The following MAPK4 variants were observed in gnomAD, a reference collection of about 807,000 sequenced individuals.
MAPK4 encodes Erk3-related.
MAPK4 carries 22 observed loss-of-function variants against 47.7 expected under a neutral mutation model. That is an observed-to-expected ratio of 0.46 (90% CI 0.33 to 0.66). The LOEUF (loss-of-function observed/expected upper bound fraction) is 0.66. MAPK4 is among the 30% of genes least tolerant of loss of function. MAPK4 has a pLI of 0.02. For synonymous variants in MAPK4, 390 were observed against 365.7 expected (o/e 1.07, Z -0.76); for missense variants, 736 against 831.7 (o/e 0.88, Z 1.42).
At chr18:50,567,110 C>A (rs1270724630) in intron 1 of MAPK4, among the ~76,000 whole-genome samples, 1 of 145,560 alleles carries the variant, frequency 6.9e-6, no homozygotes, top group Non-Finnish European at 1.5e-5. Flanking sequence ...TTTTTTTTTA[C>A]TTTAAGTTCT....
At chr18:50,721,500 T>C (rs1266381656) in intron 3 of MAPK4, among the ~76,000 whole-genome samples, 1 of 152,190 alleles carries the variant, frequency 6.6e-6, no homozygotes, top group Admixed American at 6.5e-5. Flanking sequence ...GTTTCCTAGA[T>C]GGAACCCTCT....
chr18:50,580,922 C>G (rs910568952), intron 1 of MAPK4, among the ~76,000 whole-genome samples: 10 of 152,184 alleles, frequency 6.6e-5, no homozygotes, highest in Non-Finnish European at 1.2e-4. Context: ...GCCTGAATTT[C>G]CCTTGGAAAC....
intron 1 of MAPK4, among the ~76,000 whole-genome samples, chr18:50,605,279 T>C (rs932904017): frequency 4.6e-5 from 7 of 152,174 alleles, no homozygotes; most frequent in African/African-American, 1.7e-4. Flanking sequence ...GGAAACATCT[T>C]TTCCCTGGGA....
At chr18:50,628,764 C>A (rs1380092198) in intron 1 of MAPK4, among the ~76,000 whole-genome samples, 1 of 120,080 alleles carries the variant, frequency 8.3e-6, no homozygotes, top group East Asian at 2.2e-4. Context: ...TGCTGCATCA[C>A]TCAATGGTGC....
intron 1 of MAPK4, among the ~76,000 whole-genome samples, chr18:50,602,843 C>T (rs1397832816): frequency 6.6e-6 from 1 of 152,116 alleles, no homozygotes; most frequent in African/African-American, 2.4e-5. Flanking sequence ...GCCTGAGGGT[C>T]TCAAGGACCC....
chr18:50,600,243 A>C (rs1487515268), intron 1 of MAPK4, among the ~76,000 whole-genome samples: 5 of 152,164 alleles, frequency 3.3e-5, no homozygotes, highest in African/African-American at 1.2e-4. Flanking sequence ...TTGGTTGTTT[A>C]TCCAACATTG....
At chr18:50,572,416 G>A (rs1271122867) in intron 1 of MAPK4, among the ~76,000 whole-genome samples, 2 of 152,166 alleles carry the variant, frequency 1.3e-5, no homozygotes, top group South Asian at 4.1e-4. Flanking sequence ...AGTTTGTTGG[G>A]TCTCTGCATG....
intron 5 of MAPK4, among the ~76,000 whole-genome samples, chr18:50,726,737 A>AT (rs1044931697): frequency 5.4e-5 from 8 of 148,536 alleles, no homozygotes; most frequent in South Asian, 2.1e-4. Flanking sequence ...ATCTCTACAA[A>AT]TTTTTTTTTT....
At chr18:50,638,015 TG>T (rs2042902888) in intron 1 of MAPK4, among the ~76,000 whole-genome samples, 1 of 152,192 alleles carries the variant, frequency 6.6e-6, no homozygotes, top group South Asian at 2.1e-4. Context: ...GTCTAACAAG[TG>T]GGTTTTGTGC....
At chr18:50,728,520 G>A (rs1055162356) in intron 5 of MAPK4, among the ~76,000 whole-genome samples, 34 of 152,286 alleles carry the variant, frequency 2.2e-4, no homozygotes, top group African/African-American at 7.5e-4. Context: ...TTCAAAACAT[G>A]CTTAATCAGG....
rs751209391 is a variant in MAPK4, at chr18:50,663,931, TG to T, written c.-25del. ...CTTTCCTGACTGCCCCTGTGTTACC[TG>T]GGCAGCTCCAGATCACTGAGCCCAC... On this transcript the variant is annotated 5_prime_UTR_variant, in exon 2 of 6. It removes the in-frame stop codon of an upstream open reading frame in the 5' UTR. Transcript: ENST00000400384. 4.4e-6 allele frequency: 7 copies of T among 1,583,752 alleles called. No homozygotes were observed. The highest frequency in any genetic ancestry group is 6.0e-6 in the Non-Finnish European group (7 of 1,161,748).
rs149775085 is a variant in MAPK4 at position 50,714,932 on chromosome 18, A to G, written c.547-147A>G. 6.3e-4 allele frequency: 486 copies of G among 765,462 alleles called. 4 individuals carry two copies. The African/African-American group carries it at 7.2e-3, about 11-fold the overall frequency. The allele number at this position is 765,462 out of a possible 1,614,324, so 47.4% of individuals were successfully genotyped here. ...CCTCTAACCAGACGTCTGTTCACTC[A>G]TGCTCCTTCAAGATCAATGGGAAAG... is the stretch of plus-strand genomic sequence containing the variant. On this transcript the variant is annotated intron_variant, in intron 2 of 5. Transcript: ENST00000400384.
At chr18:50,671,582 G>A (rs1327919587) in intron 2 of MAPK4, among the ~76,000 whole-genome samples, 2 of 152,076 alleles carry the variant, frequency 1.3e-5, no homozygotes, top group East Asian at 1.9e-4. Flanking sequence ...TCTGGTCAGC[G>A]GGGTTTACAT....
chr18:50,640,127 G>C (rs2144178371), intron 1 of MAPK4, among the ~76,000 whole-genome samples: 1 of 152,260 alleles, frequency 6.6e-6, no homozygotes, highest in East Asian at 1.9e-4. Flanking sequence ...TCTTTATATA[G>C]ACAGACAGGA....
At chr18:50,657,291 A>G (rs1472667133) in intron 1 of MAPK4, among the ~76,000 whole-genome samples, 1 of 152,172 alleles carries the variant, frequency 6.6e-6, no homozygotes, top group Non-Finnish European at 1.5e-5. Flanking sequence ...CTCAACAGGG[A>G]TGGGTTTGGG....
intron 1 of MAPK4, among the ~76,000 whole-genome samples, chr18:50,593,479 G>A (rs533869334): frequency 6.6e-6 from 1 of 152,344 alleles, no homozygotes; most frequent in South Asian, 2.1e-4. Flanking sequence ...TGCTTCAGCA[G>A]ATAACCCGCA....
chr18:50,594,122 A>G (rs2042461684), intron 1 of MAPK4, among the ~76,000 whole-genome samples: 1 of 152,246 alleles, frequency 6.6e-6, no homozygotes, highest in Non-Finnish European at 1.5e-5. Context: ...GGAGGCATCC[A>G]GCATGGGAGA....
intron 2 of MAPK4, among the ~76,000 whole-genome samples, chr18:50,714,220 A>G (rs946724033): frequency 2.0e-5 from 3 of 152,156 alleles, no homozygotes; most frequent in South Asian, 2.1e-4. Context: ...TTTTTCTTAC[A>G]TTAGAAAGAC....
intron 1 of MAPK4, among the ~76,000 whole-genome samples, chr18:50,645,525 TG>T (rs1418398527): frequency 6.6e-6 from 1 of 152,206 alleles, no homozygotes; most frequent in African/African-American, 2.4e-5. Flanking sequence ...ATGCCAACAG[TG>T]GAAGCCACAG....
Sources: allele counts gnomAD v4.1 joint callset (sites outside exome capture counted in the v4.1 genomes callset), GRCh38; gene constraint gnomAD v4.1.1; transcripts MANE v1.5; gene names NCBI Gene and HGNC (gene_info 2026-07-23, HGNC 2026-07-21).